Variants in NRXN1 observed in about 807,000 individuals in gnomAD.
NRXN1 encodes neurexin 1.
NRXN1 carries 39 observed loss-of-function variants against 150.9 expected under a neutral mutation model. That is an observed-to-expected ratio of 0.26 (90% confidence interval 0.20 to 0.34). The LOEUF (loss-of-function observed/expected upper bound fraction) is 0.34, where lower values mean the gene tolerates loss of function less well. NRXN1 is among the 10% of genes least tolerant of loss of function. The probability of loss-of-function intolerance (pLI) is 1.00; values close to 1 mark genes in which losing one functional copy is unlikely to be tolerated. For missense variants in NRXN1, 1,815 were observed against 1,949.9 expected, an observed-to-expected ratio of 0.93 and a Z score of 1.30; for synonymous variants, 924 against 757.0, an observed-to-expected ratio of 1.22 and a Z score of -3.62.
chr2:50,253,450 T>C (rs765373335), intron 17 of NRXN1, among the ~76,000 whole-genome samples: 49 of 152,128 alleles, frequency 3.2e-4, no homozygotes, highest in Non-Finnish European at 6.3e-4. Context: ...AATACAATGT[T>C]GATTGGAAGT....
intron 17 of NRXN1, among the ~76,000 whole-genome samples, chr2:50,398,392 C>G (rs553525516): frequency 4.0e-5 from 6 of 151,798 alleles, no homozygotes; most frequent in Non-Finnish European, 8.8e-5. Flanking sequence ...ACTATTCAAA[C>G]GCAATGTTAT....
At chr2:50,386,135 T>C (rs574830236) in intron 17 of NRXN1, among the ~76,000 whole-genome samples, 296 of 152,200 alleles carry the variant, frequency 1.9e-3, no homozygotes, top group African/African-American at 6.9e-3. Flanking sequence ...ATAAGAAAAA[T>C]ATATTTTAAC....
At chr2:50,683,864 G>A (rs534081340) in intron 5 of NRXN1, among the ~76,000 whole-genome samples, 1 of 151,052 alleles carries the variant, frequency 6.6e-6, no homozygotes, top group South Asian at 2.1e-4. Flanking sequence ...GGTACGATGT[G>A]TGTATTATTT....
At chr2:50,201,249 T>A (rs965593494) in intron 18 of NRXN1, among the ~76,000 whole-genome samples, 3 of 152,140 alleles carry the variant, frequency 2.0e-5, no homozygotes, top group African/African-American at 7.2e-5. Context: ...ATAGTTCAAG[T>A]GATTTTCAAC....
At chr2:50,496,363 G>T (rs1444455231) in intron 14 of NRXN1, among the ~76,000 whole-genome samples, 1 of 152,150 alleles carries the variant, frequency 6.6e-6, no homozygotes, top group Non-Finnish European at 1.5e-5. Context: ...AATTTGGAAA[G>T]CAATATCTTT....
intron 17 of NRXN1, among the ~76,000 whole-genome samples, chr2:50,316,198 G>C (rs1209975299): frequency 6.6e-6 from 1 of 151,990 alleles, no homozygotes; most frequent in Non-Finnish European, 1.5e-5. Flanking sequence ...TGGGGGAAGA[G>C]GATTTGGTGA....
chr2:50,156,211 A>C lies in NRXN1; in HGVS notation c.3547-64717T>G, dbSNP rs370443060. Among the ~76,000 whole-genome samples, 17 of 151,976 alleles carry C rather than the reference A, an allele frequency of 1.1e-4. 1 individual carries two copies. Among genetic ancestry groups the C allele is most frequent in the African/African-American group, 4.1e-4 (17 of 41,534 alleles). ...AAAATTAACAGTCATATAATGTAAA[A>C]TGAATGTGAAGATACCCTGAAAATA... On this transcript the variant is annotated intron_variant, in intron 18 of 22. Coordinates refer to ENST00000401669, the MANE Select transcript of NRXN1 (RefSeq NM_001330078.2).
intron 17 of NRXN1, among the ~76,000 whole-genome samples, chr2:50,427,118 T>A (rs112887286): frequency 0.021 from 3,253 of 152,286 alleles, 47 homozygotes; most frequent in Non-Finnish European, 0.033. Flanking sequence ...CTATCTTGTT[T>A]AAGATACTAA....
intron 18 of NRXN1, among the ~76,000 whole-genome samples, chr2:50,220,145 C>T (rs916319448): frequency 1.3e-5 from 2 of 149,472 alleles, no homozygotes; most frequent in African/African-American, 4.9e-5. Flanking sequence ...ATCAGCCTAA[C>T]TCCTCAGTCA....
At chr2:50,394,597 G>C (rs2081945313) in intron 17 of NRXN1, among the ~76,000 whole-genome samples, 1 of 152,006 alleles carries the variant, frequency 6.6e-6, no homozygotes, top group Non-Finnish European at 1.5e-5. Context: ...AGCCACCACT[G>C]TCTCTTTTGT....
intron 5 of NRXN1, among the ~76,000 whole-genome samples, chr2:50,853,914 T>A (rs1046763532): frequency 2.0e-5 from 3 of 152,098 alleles, no homozygotes. Flanking sequence ...TCGCAACACA[T>A]GCTCCATAGA....
intron 18 of NRXN1, among the ~76,000 whole-genome samples, chr2:50,196,392 T>C (rs1314850504): frequency 1.3e-5 from 2 of 152,174 alleles, no homozygotes; most frequent in African/African-American, 4.8e-5. Context: ...AAAAATTGTA[T>C]GGCAAAGAAC....
At chr2:50,872,080 T>C (rs1462882743) in intron 5 of NRXN1, among the ~76,000 whole-genome samples, 1 of 151,920 alleles carries the variant, frequency 6.6e-6, no homozygotes, top group East Asian at 1.9e-4. Flanking sequence ...CCTTTAACTC[T>C]TTCACATATT....
At chr2:49,982,428 T>C (rs554746709) in intron 21 of NRXN1, among the ~76,000 whole-genome samples, 1 of 152,116 alleles carries the variant, frequency 6.6e-6, no homozygotes, top group South Asian at 2.1e-4. Context: ...CACCAATAAC[T>C]CTTAGTTGAA....
At chr2:49,946,278 G>C in intron 21 of NRXN1, among the ~76,000 whole-genome samples, 1 of 152,014 alleles carries the variant, frequency 6.6e-6, no homozygotes, top group Non-Finnish European at 1.5e-5. Context: ...TGTAGACTCT[G>C]GATATTAGAC....
intron 5 of NRXN1, among the ~76,000 whole-genome samples, chr2:50,653,050 C>G (rs2104572855): frequency 6.6e-6 from 1 of 151,984 alleles, no homozygotes; most frequent in East Asian, 2.0e-4. Flanking sequence ...TACCTATTTC[C>G]TGATCCACAT....
At chr2:50,530,733 C>G (rs1573422304) in intron 11 of NRXN1, among the ~76,000 whole-genome samples, 1 of 152,174 alleles carries the variant, frequency 6.6e-6, no homozygotes, top group South Asian at 2.1e-4. Flanking sequence ...ACAGAAAAGA[C>G]AGGGTACCAC....
At chr2:50,865,219 A>T (rs1398524780) in intron 5 of NRXN1, among the ~76,000 whole-genome samples, 1 of 151,940 alleles carries the variant, frequency 6.6e-6, no homozygotes, top group Non-Finnish European at 1.5e-5. Flanking sequence ...TTCAGGTATT[A>T]TCTTTCAGCT....
intron 12 of NRXN1, among the ~76,000 whole-genome samples, chr2:50,525,876 C>G (rs1478641725): frequency 6.6e-6 from 1 of 152,164 alleles, no homozygotes; most frequent in African/African-American, 2.4e-5. Flanking sequence ...TCTGGCCTTT[C>G]TCAGAGGAAA....
Sources: gnomAD v4.1 joint callset for allele counts (sites outside exome capture counted in the v4.1 genomes callset) on GRCh38, gnomAD v4.1.1 for gene constraint, MANE v1.5 for transcripts, NCBI Gene and HGNC (gene_info 2026-07-23, HGNC 2026-07-21) for gene names.